Variants in FUT8 observed in about 807,000 individuals in gnomAD.
FUT8 encodes the protein fucosyltransferase 8.
A neutral mutation model predicts 71.3 loss-of-function variants in FUT8; 29 were observed. That is an observed-to-expected ratio of 0.41 (90% CI 0.30 to 0.55). The LOEUF is 0.55. Ranked by LOEUF, FUT8 falls within the 20% of genes least tolerant of loss-of-function variation. The pLI, the probability that FUT8 is intolerant of heterozygous loss-of-function variation, is 0.34. For synonymous variants in FUT8, 254 were observed against 239.3 expected, an observed-to-expected ratio of 1.06 and a Z score of -0.57; for missense variants, 544 against 702.1, an observed-to-expected ratio of 0.77 and a Z score of 2.55.
At chr14:65,720,481 A>G (rs1157203212) in intron 7 of FUT8, among the ~76,000 whole-genome samples, 4 of 152,234 alleles carry the variant, frequency 2.6e-5, no homozygotes, top group African/African-American at 7.2e-5. Context: ...CTGTTATCCA[A>G]GTTGCAAGAT....
chr14:65,522,610 A>G (rs1000580892), intron 2 of FUT8, among the ~76,000 whole-genome samples: 4 of 152,172 alleles, frequency 2.6e-5, no homozygotes, highest in African/African-American at 9.7e-5. Context: ...TCCAGGGTAC[A>G]TGTGCGCGAC....
chr14:65,701,491 G>A (rs535867042), intron 7 of FUT8, among the ~76,000 whole-genome samples: 4 of 152,220 alleles, frequency 2.6e-5, no homozygotes, highest in African/African-American at 9.6e-5. Context: ...TAGAAAATAC[G>A]ACTGTCACAG....
At chr14:65,376,788 C>G in the FUT8 span, among the ~76,000 whole-genome samples, 10 of 152,300 alleles carry the variant, frequency 6.6e-5, no homozygotes, top group Admixed American at 3.9e-4. Context: ...GAGATCTCTT[C>G]CCCTGACAAA....
In FUT8 at chr14:65,608,063, C is replaced by CAAA. The variant is rs35942953; in HGVS notation, c.204-7898_204-7896dup. Among the ~76,000 whole-genome samples the CAAA allele has an allele frequency of 2.1e-3, 228 of 108,488 alleles. 4 individuals carry two copies. In the East Asian group the frequency reaches 0.027, roughly 13 times the overall value. The allele number at this position is 108,488 out of a possible 152,430, so 71.2% of individuals were successfully genotyped here. ...CTGGCAACAAAGCTAGACTCCGTCT[C>CAAA]AAAAAAAAAAAAAAAAAAATGCTTG... is the stretch of plus-strand genomic sequence containing the variant. On this transcript the variant is annotated intron_variant, in intron 3 of 10. Coordinates refer to ENST00000673929, the MANE Select transcript of FUT8 (RefSeq NM_001371533.1).
intron 7 of FUT8, among the ~76,000 whole-genome samples, chr14:65,692,942 A>G (rs993979313): frequency 1.1e-4 from 16 of 150,034 alleles, no homozygotes; most frequent in African/African-American, 3.7e-4. Flanking sequence ...CACTTCCTAG[A>G]TGGGATGGTG....
chr14:65,717,108 G>A (rs1220135449), intron 7 of FUT8, among the ~76,000 whole-genome samples: 3 of 117,810 alleles, frequency 2.5e-5, no homozygotes, highest in South Asian at 3.1e-4. Context: ...CTTCCCAGAC[G>A]ACGGGCAGCC....
intron 3 of FUT8, among the ~76,000 whole-genome samples, chr14:65,568,014 C>G (rs1886285134): frequency 6.6e-6 from 1 of 151,590 alleles, no homozygotes. Context: ...GTTATCTGGG[C>G]CTGGAGTCTT....
intron 7 of FUT8, among the ~76,000 whole-genome samples, chr14:65,694,109 C>A (rs7152023): frequency 0.52 from 78,529 of 151,956 alleles, 21,076 homozygotes; most frequent in East Asian, 0.75. Flanking sequence ...CTAGAGGTTT[C>A]TTCATTTTAC....
At position 65,563,425 on chromosome 14, in the gene FUT8, A is replaced by G. The variant is rs537003696; in HGVS notation, c.203+1659A>G. ...AGTAATTTAATTTGCTGAAGGTCACACTTTTCACAAGTGGTAGAGCCTACT... is the reference window on the plus strand; with the variant it reads ...AGTAATTTAATTTGCTGAAGGTCACGCTTTTCACAAGTGGTAGAGCCTACT... On this transcript the variant is annotated intron_variant, in intron 3 of 10. Transcript: ENST00000673929. 1.1e-3 allele frequency among the ~76,000 whole-genome samples: 169 copies of G among 152,158 alleles called. 1 individual carries two copies. Among genetic ancestry groups the G allele is most frequent in the South Asian group, 7.2e-3 (35 of 4,828 alleles).
rs371719798 is a variant in FUT8, at chr14:65,412,854, C to T, written c.-686C>T. On this transcript the variant is annotated 5_prime_UTR_variant, in exon 1 of 11. Coordinates refer to ENST00000673929, the MANE Select transcript of FUT8 (RefSeq NM_001371533.1). ...CAGCCGGTTCCCTCCTCTCCAGGCC[C>T]CCTCCCCATCCCACCCCCGCCGCCT... 6.6e-6 allele frequency among the ~76,000 whole-genome samples: 1 copy of T among 152,202 alleles called. No individual in the cohort carries two copies. Among genetic ancestry groups the T allele is most frequent in the Non-Finnish European group, 1.5e-5 (1 of 68,024 alleles).
chr14:65,519,078 C>T (rs894501254), intron 2 of FUT8, among the ~76,000 whole-genome samples: 2 of 152,214 alleles, frequency 1.3e-5, no homozygotes, highest in Non-Finnish European at 2.9e-5. Context: ...TTGTCTAGAA[C>T]AGTGAATGGC....
chr14:65,654,066 C>T (rs931488747), intron 6 of FUT8, among the ~76,000 whole-genome samples: 5 of 152,266 alleles, frequency 3.3e-5, no homozygotes, highest in African/African-American at 1.2e-4. Flanking sequence ...GCCTAATCTT[C>T]TCCTGTTGAG....
At chr14:65,385,650 ATGGCAGAAGTTATAAT>A in the FUT8 span, among the ~76,000 whole-genome samples, 1 of 152,288 alleles carries the variant, frequency 6.6e-6, no homozygotes, top group South Asian at 2.1e-4. Context: ...TGATAAAATA[ATGGCAGAAGTTATAAT>A]TGTCTTAGCA....
upstream of FUT8, among the ~76,000 whole-genome samples, chr14:65,410,149 A>C (rs962405955): frequency 2.6e-5 from 4 of 152,226 alleles, no homozygotes; most frequent in Admixed American, 2.6e-4. Flanking sequence ...CAAGAGAACG[A>C]CTGAGTTCTA....
intron 2 of FUT8, among the ~76,000 whole-genome samples, chr14:65,482,973 A>G (rs2066354670): frequency 6.6e-6 from 1 of 152,160 alleles, no homozygotes; most frequent in African/African-American, 2.4e-5. Flanking sequence ...TTTCACCATT[A>G]TCAGGCTTCT....
intron 2 of FUT8, among the ~76,000 whole-genome samples, chr14:65,496,522 C>A (rs1319288538): frequency 6.6e-6 from 1 of 152,042 alleles, no homozygotes; most frequent in Non-Finnish European, 1.5e-5. Context: ...ATGCTGTTCT[C>A]ATGTTAGTGA....
chr14:65,740,878 A>C (rs1896465078), intron 10 of FUT8, among the ~76,000 whole-genome samples: 1 of 152,020 alleles, frequency 6.6e-6, no homozygotes, highest in African/African-American at 2.4e-5. Flanking sequence ...ATCACCATTC[A>C]AGTTTTTAAT....
intron 1 of FUT8, among the ~76,000 whole-genome samples, chr14:65,421,877 G>A (rs2065302852): frequency 6.6e-6 from 1 of 151,872 alleles, no homozygotes; most frequent in Admixed American, 6.6e-5. Flanking sequence ...TTTCAGGCTT[G>A]ATGGCTTTCA....
At position 65,669,284 on chromosome 14, in the gene FUT8, T is replaced by C. The variant is rs1225335005; in HGVS notation, c.639T>C (p.Asn213=). 3 of 1,613,840 alleles carry C rather than the reference T, an allele frequency of 1.9e-6. No individual in the cohort carries two copies. The South Asian group carries it at 3.3e-5, about 18-fold the overall frequency. Reference sequence around the variant, plus strand: ...GCAAAGCCAAAAAGCTGGTGTGTAATATCAACAAAGGCTGTGGCTATGGCT... The same window carrying C: ...GCAAAGCCAAAAAGCTGGTGTGTAACATCAACAAAGGCTGTGGCTATGGCT... ...DCSKAKKLVC[N]INKGCGYGCQ... is the part of the protein sequence containing the mutation. Residue 213 remains asparagine (N), a synonymous_variant, in exon 7 of 11, where the codon AAT becomes AAC. Coordinates refer to ENST00000673929, the MANE Select transcript of FUT8 (RefSeq NM_001371533.1). This position sits in a 1 kb window ranked among gnomAD's most constrained non-coding sequence, Gnocchi z 4.5.
Sources: allele counts gnomAD v4.1 joint callset (sites outside exome capture counted in the v4.1 genomes callset), GRCh38; gene constraint gnomAD v4.1.1; non-coding constraint Gnocchi (gnomAD v3.1); transcripts MANE v1.5; gene names NCBI Gene and HGNC (gene_info 2026-07-23, HGNC 2026-07-21).